The following BPIFB2 variants were observed in gnomAD, a reference collection of about 807,000 sequenced individuals.
BPIFB2 encodes the protein BPI fold containing family B member 2, also known as BPI fold-containing family B member 2.
Under a neutral mutation model 50.1 loss-of-function variants are expected in BPIFB2, and 39 were observed. The observed-to-expected ratio is 0.78, with a 90% CI of 0.60 to 1.02. The LOEUF (loss-of-function observed/expected upper bound fraction) is 1.02, where lower values mean the gene tolerates loss of function less well. Among genes scored for constraint, BPIFB2 ranks in the 50% least tolerant of loss-of-function variants. The pLI is 0.00. For synonymous variants in BPIFB2, 280 were observed against 256.3 expected, an observed-to-expected ratio of 1.09 and a Z score of -0.88; for missense variants, 574 against 585.8, an observed-to-expected ratio of 0.98 and a Z score of 0.21.
At chr20:33,020,036 C>G (rs545054711) in intron 11 of BPIFB2, among the ~76,000 whole-genome samples, 27 of 152,284 alleles carry the variant, frequency 1.8e-4, no homozygotes, top group Non-Finnish European at 2.9e-5. Flanking sequence ...TCAGCCTTCT[C>G]GGCACCTCCT....
intron 1 of BPIFB2, among the ~76,000 whole-genome samples, 162 bp from the exon 2 acceptor site, chr20:33,008,379 G>A (rs766609448): frequency 6.6e-6 from 1 of 152,228 alleles, no homozygotes; most frequent in Non-Finnish European, 1.5e-5. Context: ...GCAAGGCAAG[G>A]TGATGGTTCC....
At position 33,008,429 on chromosome 20, in the gene BPIFB2, G is replaced by A. The variant is rs961500339; in HGVS notation, c.-34-112G>A. Reference sequence around the variant, plus strand: ...AAAAACTGATGTCTGTGGGCCTGGGGCAGGGCTGGGATCACCAGTCAGGGC... The same window carrying A: ...AAAAACTGATGTCTGTGGGCCTGGGACAGGGCTGGGATCACCAGTCAGGGC... On this transcript the variant is annotated intron_variant, in intron 1 of 15. Transcript: ENST00000170150. 58 of 584,212 alleles carry A rather than the reference G, an allele frequency of 9.9e-5. No individual in the cohort carries two copies. In the South Asian group the frequency reaches 1.2e-3, roughly 13 times the overall value. 36.2% of individuals were successfully genotyped at this position (584,212 alleles called of 1,614,324 possible). A position where few individuals can be genotyped will look rare whatever the true frequency, so the allele number is the denominator to read the frequency against.
intron 5 of BPIFB2, 126 bp from the exon 6 acceptor site, chr20:33,015,310 T>C: frequency 2.8e-6 from 2 of 725,858 alleles, no homozygotes; most frequent in Non-Finnish European, 4.4e-6. Context: ...TGGCAGGGCA[T>C]CGAATGGAAT....
At chr20:33,018,452 G>A (rs1978516166) in intron 8 of BPIFB2, 102 bp downstream of exon 8, 2 of 1,320,564 alleles carry the variant, frequency 1.5e-6, no homozygotes, top group Admixed American at 1.9e-5. Context: ...GAAAGGAGAG[G>A]AGGAGCTGGA....
intron 7 of BPIFB2, among the ~76,000 whole-genome samples, chr20:33,017,513 C>A (rs77054907): frequency 0.02 from 3,062 of 152,304 alleles, 74 homozygotes; most frequent in African/African-American, 0.056. Context: ...CACCCCTGGC[C>A]TCGCCCTTTG....
At chr20:33,016,907 T>C in intron 6 of BPIFB2, 135 bp from the exon 7 acceptor site, 1 of 717,608 alleles carries the variant, frequency 1.4e-6, no homozygotes, top group Non-Finnish European at 2.2e-6. Flanking sequence ...CACTGGCGGG[T>C]GGAGGAAGGG....
chr20:33,018,977 G>A, intron 9 of BPIFB2, 85 bp from the exon 10 acceptor site: 1 of 1,593,860 alleles, frequency 6.3e-7, no homozygotes. Flanking sequence ...GGGCTATGGG[G>A]AGCGATTGCT....
At chr20:33,012,974 G>A in intron 4 of BPIFB2, 67 bp downstream of exon 4, 1 of 1,380,936 alleles carries the variant, frequency 7.2e-7, no homozygotes. Flanking sequence ...ACAGTGAGGG[G>A]ACGGGGGGTA....
chr20:33,015,457 C>T lies in BPIFB2; in HGVS notation c.477C>T (p.Val159=). 2 of 1,613,376 alleles carry T rather than the reference C, an allele frequency of 1.2e-6. No homozygotes were observed. The highest frequency in any genetic ancestry group is 1.7e-6 in the Non-Finnish European group (2 of 1,179,730). ...TCAGCACCTCCCACGCGCTGCTGGTCCTGGTGCAGAAGCACATTAAAGCTG... is the reference window on the plus strand; with the variant it reads ...TCAGCACCTCCCACGCGCTGCTGGTTCTGGTGCAGAAGCACATTAAAGCTG... The part of the protein sequence containing the change: ...GSNSTSHALL[V]LVQKHIKAVL... The change falls in exon 6 of 16, where the codon GTC becomes GTT. Residue 159 remains valine (V), a synonymous_variant. Transcript: ENST00000170150.
intron 14 of BPIFB2, 84 bp from the exon 15 acceptor site, chr20:33,021,639 C>G: frequency 7.3e-7 from 1 of 1,360,738 alleles, no homozygotes; most frequent in South Asian, 1.2e-5. Context: ...CAGATGCCTG[C>G]GAGGACTCAG....
At position 33,020,378 on chromosome 20, in the gene BPIFB2, G is replaced by A. The variant is rs761624498; in HGVS notation, c.1131G>A (p.Gly377=). ...QLSVSKVKLQ[G]TTSVLGDVQL... ...CTGTGTCCAAGGTGAAGCTTCAGGG[G>A]ACCACGTCTGTGCTGGGGTAAACGA... The change falls in exon 12 of 16, where the codon GGG becomes GGA. Residue 377 remains glycine (G), a synonymous_variant. Coordinates refer to ENST00000170150, the MANE Select transcript of BPIFB2 (RefSeq NM_025227.3). 6.2e-7 allele frequency: 1 copy of A among 1,614,152 alleles called. No homozygotes were observed. The highest frequency in any genetic ancestry group is 8.5e-7 in the Non-Finnish European group (1 of 1,180,006).
intron 3 of BPIFB2, among the ~76,000 whole-genome samples, chr20:33,012,316 G>T (rs182377889): frequency 5.4e-4 from 82 of 152,188 alleles, no homozygotes; most frequent in Non-Finnish European, 1.0e-3. Flanking sequence ...TCTGTACGGG[G>T]ACCTGAACTG....
chr20:33,021,234 G>A (rs1439106094), intron 13 of BPIFB2, 47 bp from the exon 14 acceptor site: 1 of 1,598,472 alleles, frequency 6.3e-7, no homozygotes, highest in Middle Eastern at 1.7e-4. Flanking sequence ...CATCTCTCCT[G>A]GCCCCTCGGC....
chr20:33,013,770 T>A (rs1231746061), intron 4 of BPIFB2, 40 bp from the exon 5 acceptor site: 1 of 1,596,888 alleles, frequency 6.3e-7, no homozygotes. Context: ...TGGGCTCTGC[T>A]GGGCGGTGCT....
At chr20:33,011,586 C>T (rs528599309) in intron 3 of BPIFB2, among the ~76,000 whole-genome samples, 124 of 152,322 alleles carry the variant, frequency 8.1e-4, no homozygotes, top group Middle Eastern at 3.4e-3. Flanking sequence ...AGTCACCTTC[C>T]ACATAGGAAC....
At chr20:33,021,876 C>T in intron 15 of BPIFB2, 77 bp downstream of exon 15, 1 of 1,425,558 alleles carries the variant, frequency 7.0e-7, no homozygotes, top group Non-Finnish European at 9.9e-7. Flanking sequence ...ACCTCTCTCC[C>T]TCCCCCTCTG....
chr20:33,015,611 A>G, intron 6 of BPIFB2, 115 bp downstream of exon 6: 1 of 927,152 alleles, frequency 1.1e-6, no homozygotes, highest in Non-Finnish European at 1.6e-6. Flanking sequence ...AAAAAAAAAA[A>G]AAGACGCCCC....
At chr20:33,014,071 C>G in intron 5 of BPIFB2, 115 bp downstream of exon 5, 2 of 1,342,842 alleles carry the variant, frequency 1.5e-6, no homozygotes, top group South Asian at 3.0e-5. Flanking sequence ...CTCAGGGGCC[C>G]CCATTATTGT....
chr20:33,012,761 T>C (rs1990305241), intron 3 of BPIFB2, 42 bp from the exon 4 acceptor site: 2 of 1,507,572 alleles, frequency 1.3e-6, no homozygotes, highest in East Asian at 2.3e-5. Context: ...GATCCCATGG[T>C]TTAATGGGGG....
Sources: gnomAD v4.1 joint callset for allele counts (sites outside exome capture counted in the v4.1 genomes callset) on GRCh38, gnomAD v4.1.1 for gene constraint, MANE v1.5 for transcripts, NCBI Gene and HGNC (gene_info 2026-07-23, HGNC 2026-07-21) for gene names.